Variants in NTM observed in about 807,000 individuals in gnomAD.
NTM encodes the protein neurotrimin.
NTM carries 13 observed loss-of-function variants against 42.1 expected under a neutral mutation model. The observed-to-expected ratio is 0.31, with a 90% CI of 0.20 to 0.49. The LOEUF (loss-of-function observed/expected upper bound fraction) is 0.49, where lower values mean the gene tolerates loss of function less well. Among genes scored for constraint, NTM ranks in the 20% least tolerant of loss-of-function variants. The probability of loss-of-function intolerance (pLI) is 0.99; values close to 1 mark genes in which losing one functional copy is unlikely to be tolerated. For missense variants in NTM, 373 were observed against 452.8 expected (o/e 0.82, Z 1.60); for synonymous variants, 187 against 179.2 (o/e 1.04, Z -0.35).
In NTM at chr11:131,974,100, T is replaced by C. The variant is rs138527354; in HGVS notation, c.167+62452T>C. 2.7e-3 allele frequency among the ~76,000 whole-genome samples: 411 copies of C among 152,350 alleles called. 7 individuals are homozygous for C. The East Asian group carries it at 0.031, about 11-fold the overall frequency. On this transcript the variant is annotated intron_variant, in intron 2 of 8. Coordinates refer to ENST00000683400, the MANE Select transcript of NTM (RefSeq NM_001352005.2). The stretch of plus-strand genomic sequence containing the variant: ...TCTCTAGCTTACTTTATTTTAATAA[T>C]ACAGTATGTAATACATGTAACATAC...
intron 4 of NTM, among the ~76,000 whole-genome samples, chr11:132,254,366 G>A (rs944044228): frequency 6.6e-6 from 1 of 151,784 alleles, no homozygotes; most frequent in Non-Finnish European, 1.5e-5. Flanking sequence ...TCTTTATCTA[G>A]AACTGTTGCT....
intron 1 of NTM, among the ~76,000 whole-genome samples, chr11:131,427,579 T>G (rs948249601): frequency 1.3e-5 from 2 of 152,230 alleles, no homozygotes; most frequent in African/African-American, 4.8e-5. Flanking sequence ...TGGGCCTCCC[T>G]TAATGCCTCC....
chr11:132,016,102 T>G (rs1344237440), intron 2 of NTM, among the ~76,000 whole-genome samples: 1 of 126,748 alleles, frequency 7.9e-6, no homozygotes, highest in Non-Finnish European at 1.8e-5. Context: ...TTGTTGAGAG[T>G]TTTTTTTTTT....
chr11:131,724,469 A>G (rs76396124), intron 1 of NTM, among the ~76,000 whole-genome samples: 1 of 152,168 alleles, frequency 6.6e-6, no homozygotes, highest in Admixed American at 6.5e-5. Context: ...ATTTCTTTAA[A>G]GAACACAATG....
chr11:132,107,211 T>G (rs1043067050), intron 2 of NTM, among the ~76,000 whole-genome samples: 3 of 152,194 alleles, frequency 2.0e-5, no homozygotes, highest in African/African-American at 7.2e-5. Context: ...AGTCCTCTTC[T>G]GATTTCCAGT....
rs1037420924 is a variant in NTM, at chr11:131,983,794, C to G, written c.167+72146C>G. 2.7e-4 allele frequency among the ~76,000 whole-genome samples: 41 copies of G among 152,206 alleles called. 1 individual carries two copies. Among genetic ancestry groups the G allele is most frequent in the Admixed American group, 2.7e-3 (41 of 15,280 alleles). Reference sequence around the variant, plus strand: ...TTCTGATTGTTGTTGAGGAGAGAGGCTCTGCTCCATGTAGTCACTCAGGGA... The same window carrying G: ...TTCTGATTGTTGTTGAGGAGAGAGGGTCTGCTCCATGTAGTCACTCAGGGA... On this transcript the variant is annotated intron_variant, in intron 2 of 8. Transcript: ENST00000683400.
intron 2 of NTM, 119 bp downstream of exon 2, chr11:131,911,767 G>C (rs1202661322): frequency 7.9e-7 from 1 of 1,272,116 alleles, no homozygotes; most frequent in Non-Finnish European, 1.1e-6. Flanking sequence ...CTGGTTCCCT[G>C]GGCTGCACAA....
chr11:131,660,143 CG>C (rs2067784313), intron 1 of NTM: 1 of 188,598 alleles, frequency 5.3e-6, no homozygotes, highest in African/African-American at 2.3e-5. Context: ...CCGGGCAAGG[CG>C]GGGACTCAGT....
chr11:131,660,318 A>G (rs1428773703), intron 1 of NTM: 2 of 362,448 alleles, frequency 5.5e-6, no homozygotes, highest in Non-Finnish European at 1.1e-5. Context: ...CAGATGCTGC[A>G]GGATGAAGAG....
At chr11:131,422,654 A>G (rs1947660681) in intron 1 of NTM, among the ~76,000 whole-genome samples, 1 of 152,186 alleles carries the variant, frequency 6.6e-6, no homozygotes, top group Non-Finnish European at 1.5e-5. Flanking sequence ...TCTGGGCAGG[A>G]AATTGTATGA....
intron 1 of NTM, among the ~76,000 whole-genome samples, chr11:131,518,712 C>T (rs1209455803): frequency 2.0e-5 from 3 of 152,190 alleles, no homozygotes; most frequent in Non-Finnish European, 4.4e-5. Context: ...CATTTGCATA[C>T]TTTCCTCATC....
chr11:131,423,166 A>G (rs1268149092), intron 1 of NTM, among the ~76,000 whole-genome samples: 1 of 152,228 alleles, frequency 6.6e-6, no homozygotes, highest in African/African-American at 2.4e-5. Flanking sequence ...TGCATATTAT[A>G]GCTTCAAAGG....
intron 1 of NTM, among the ~76,000 whole-genome samples, chr11:131,418,688 C>A (rs557393945): frequency 2.6e-4 from 40 of 152,292 alleles, no homozygotes; most frequent in Admixed American, 1.6e-3. Flanking sequence ...ACTACTTCTA[C>A]CCTGGTAGGA....
intron 1 of NTM, among the ~76,000 whole-genome samples, chr11:131,494,961 A>T (rs1474481977): frequency 2.6e-5 from 4 of 152,220 alleles, no homozygotes; most frequent in Non-Finnish European, 5.9e-5. Flanking sequence ...TCCTCATATT[A>T]TTGTATCACA....
chr11:132,321,066 A>C (rs1252090635), intron 7 of NTM, among the ~76,000 whole-genome samples: 1 of 151,910 alleles, frequency 6.6e-6, no homozygotes, highest in Non-Finnish European at 1.5e-5. Context: ...TAAAACCACA[A>C]AGATGGGGAA....
At chr11:131,809,380 C>G (rs954094165) in intron 1 of NTM, among the ~76,000 whole-genome samples, 9 of 152,310 alleles carry the variant, frequency 5.9e-5, no homozygotes, top group African/African-American at 2.2e-4. Flanking sequence ...AGCTGCTGCT[C>G]TGCATCTAGA....
At chr11:131,721,360 G>A (rs1482197099) in intron 1 of NTM, among the ~76,000 whole-genome samples, 1 of 152,178 alleles carries the variant, frequency 6.6e-6, no homozygotes, top group Non-Finnish European at 1.5e-5. Flanking sequence ...TGGAAGGCCT[G>A]TGCAAGTTAC....
chr11:131,639,742 G>A (rs897338999), intron 1 of NTM, among the ~76,000 whole-genome samples: 4 of 152,040 alleles, frequency 2.6e-5, no homozygotes, highest in Non-Finnish European at 5.9e-5. Context: ...CAGATCACAA[G>A]GTCAGGAGTT....
chr11:132,026,474 C>T (rs1177135944), intron 2 of NTM, among the ~76,000 whole-genome samples: 3 of 152,274 alleles, frequency 2.0e-5, no homozygotes, highest in African/African-American at 7.2e-5. Context: ...TCCAGAGGTA[C>T]CCAGAATGTA....
Sources: gnomAD v4.1 joint callset for allele counts (sites outside exome capture counted in the v4.1 genomes callset) on GRCh38, gnomAD v4.1.1 for gene constraint, MANE v1.5 for transcripts, NCBI Gene and HGNC (gene_info 2026-07-23, HGNC 2026-07-21) for gene names.